Variants in OR51B5 observed in about 807,000 individuals in gnomAD.
The protein encoded by OR51B5 is olfactory receptor family 51 subfamily B member 5.
For synonymous variants in OR51B5, 186 were observed against 144.8 expected (o/e 1.28, Z -2.04); for missense variants, 456 against 374.6 (o/e 1.22, Z -1.79).
intron 1 of OR51B5, chr11:5,441,469 G>C (rs1344876871): frequency 6.2e-7 from 1 of 1,613,478 alleles, no homozygotes; most frequent in East Asian, 2.2e-5. Flanking sequence ...ATGCCTGTCA[G>C]CTGGAGTGTT....
At chr11:5,414,845 T>C (rs1370830570) in intron 1 of OR51B5, among the ~76,000 whole-genome samples, 1 of 152,190 alleles carries the variant, frequency 6.6e-6, no homozygotes, top group Non-Finnish European at 1.5e-5. Context: ...AACACCCCAC[T>C]GTCAACATTA....
intron 1 of OR51B5, among the ~76,000 whole-genome samples, chr11:5,407,892 T>C (rs1194205824): frequency 6.6e-6 from 1 of 152,106 alleles, no homozygotes; most frequent in East Asian, 1.9e-4. Context: ...GTATCCACAT[T>C]TTAATAAAAT....
At chr11:5,456,672 A>G (rs551167137) in intron 1 of OR51B5, among the ~76,000 whole-genome samples, 2 of 152,280 alleles carry the variant, frequency 1.3e-5, no homozygotes, top group South Asian at 4.1e-4. Context: ...AGTAAATTGC[A>G]TGTCACCGGG....
intron 1 of OR51B5, among the ~76,000 whole-genome samples, chr11:5,421,038 G>C (rs1850326590): frequency 6.6e-6 from 1 of 152,210 alleles, no homozygotes; most frequent in Admixed American, 6.5e-5. Context: ...AGATTGTACA[G>C]TTCAAGCTTA....
intron 1 of OR51B5, among the ~76,000 whole-genome samples, chr11:5,410,731 A>G (rs1287037913): frequency 6.6e-6 from 1 of 152,232 alleles, no homozygotes; most frequent in Non-Finnish European, 1.5e-5. Flanking sequence ...AAGATCCTCC[A>G]GTGGAACAAT....
At chr11:5,427,819 C>T (rs1850472162) in intron 1 of OR51B5, among the ~76,000 whole-genome samples, 1 of 152,068 alleles carries the variant, frequency 6.6e-6, no homozygotes, top group South Asian at 2.1e-4. Context: ...AAAACAACTT[C>T]AACTATTTTT....
intron 1 of OR51B5, among the ~76,000 whole-genome samples, chr11:5,442,427 G>A (rs750247425): frequency 1.6e-4 from 25 of 152,070 alleles, no homozygotes; most frequent in Non-Finnish European, 1.6e-4. Flanking sequence ...TTCATTTCTT[G>A]TCACTCCTTC....
At chr11:5,503,424 T>A (rs1564835268) in intron 1 of OR51B5, among the ~76,000 whole-genome samples, 1 of 151,740 alleles carries the variant, frequency 6.6e-6, no homozygotes, top group Non-Finnish European at 1.5e-5. Flanking sequence ...CACTTTTTTT[T>A]ACAAAGAAAT....
intron 1 of OR51B5, among the ~76,000 whole-genome samples, chr11:5,445,996 A>G (rs578020624): frequency 6.6e-6 from 1 of 152,012 alleles, no homozygotes; most frequent in South Asian, 2.1e-4. Context: ...TCAGCAAACT[A>G]TCCCAAGGAC....
intron 1 of OR51B5, among the ~76,000 whole-genome samples, chr11:5,397,355 C>A (rs1564799671): frequency 6.6e-6 from 1 of 151,848 alleles, no homozygotes. Flanking sequence ...AACAAATTTA[C>A]AAGAGAAAAA....
chr11:5,374,093 G>A (rs558711218), intron 1 of OR51B5, among the ~76,000 whole-genome samples: 76 of 152,260 alleles, frequency 5.0e-4, no homozygotes, highest in Admixed American at 3.7e-3. Context: ...AGTAAGGGCA[G>A]ACTGACACCT....
At chr11:5,396,643 G>C (rs1218781387) in intron 1 of OR51B5, among the ~76,000 whole-genome samples, 4 of 151,936 alleles carry the variant, frequency 2.6e-5, no homozygotes, top group African/African-American at 9.7e-5. Flanking sequence ...GTAATTTATA[G>C]ATTCAATGCC....
intron 1 of OR51B5, among the ~76,000 whole-genome samples, chr11:5,360,485 G>A (rs1849266406): frequency 6.6e-6 from 1 of 150,776 alleles, no homozygotes; most frequent in Non-Finnish European, 1.5e-5. Context: ...AAAAAGTCAG[G>A]AAACAACAGG....
At chr11:5,465,650 G>A (rs1268534642) in intron 1 of OR51B5, among the ~76,000 whole-genome samples, 3 of 140,802 alleles carry the variant, frequency 2.1e-5, no homozygotes, top group South Asian at 2.5e-4. Flanking sequence ...CAGAAATAAC[G>A]ACGCATATCT....
chr11:5,352,859 GTGTA>G (rs1488162564), intron 1 of OR51B5, among the ~76,000 whole-genome samples: 6 of 134,978 alleles, frequency 4.4e-5, no homozygotes, highest in South Asian at 2.4e-4. Flanking sequence ...ATAATAGTGT[GTGTA>G]TGTATCTGTG....
At chr11:5,343,248 C>G in exon 1 of OR51B5, 6 of 1,613,622 alleles carry the variant, frequency 3.7e-6, no homozygotes, top group Non-Finnish European at 5.1e-6. Flanking sequence ...AAGCAGGCCG[C>G]ACTTCCAATC....
At chr11:5,389,364 A>C in intron 1 of OR51B5, 1 of 1,593,386 alleles carries the variant, frequency 6.3e-7, no homozygotes, top group Non-Finnish European at 8.6e-7. Flanking sequence ...TAATAACCAG[A>C]AATATCCATT....
rs112375937 is a variant in OR51B5 at position 5,500,611 on chromosome 11, C to T, written n.84+4958G>A. ...TGCAATTAAGCCGCTTCGACGAGGA[C>T]ATCTTTCCAGTAATAGTCCTAATTG... On this transcript the variant is annotated intron_variant and non_coding_transcript_variant, in intron 1 of 4. Transcript: ENST00000415970. 1.4e-5 allele frequency among the ~76,000 whole-genome samples: 2 copies of T among 148,052 alleles called. 1 individual carries two copies. The highest frequency in any genetic ancestry group is 3.0e-5 in the Non-Finnish European group (2 of 66,144).
rs1192738876 is a variant in OR51B5, at chr11:5,415,071, C to A, written n.85-68161G>T. ...GTAAAAGAACAGAAATTATAACAAA[C>A]TATCTCTCAGACCACAGTGCAATCA... On this transcript the variant is annotated intron_variant and non_coding_transcript_variant, in intron 1 of 4. Transcript: ENST00000415970. Among the ~76,000 whole-genome samples the A allele has an allele frequency of 2.6e-5, 4 of 152,120 alleles. No homozygotes were observed. In the South Asian group the frequency reaches 8.3e-4, roughly 32 times the overall value.
Sources: gnomAD v4.1 joint callset for allele counts (sites outside exome capture counted in the v4.1 genomes callset) on GRCh38, gnomAD v4.1.1 for gene constraint, MANE v1.5 for transcripts, NCBI Gene and HGNC (gene_info 2026-07-23, HGNC 2026-07-21) for gene names.